TTN: variants seen among roughly 807,000 people sequenced by gnomAD.
TTN encodes titin, also known as connectin.
Under a neutral mutation model 3,223.0 loss-of-function variants are expected in TTN, and 1,525 were observed. The ratio of observed to expected loss-of-function variants is 0.47; its 90% CI spans 0.45 to 0.49. TTN has a LOEUF of 0.49. Among genes scored for constraint, TTN ranks in the 20% least tolerant of loss-of-function variants. The probability of loss-of-function intolerance (pLI) is 0.00; values close to 1 mark genes in which losing one functional copy is unlikely to be tolerated. For missense variants in TTN, 40,786 were observed against 43,424.0 expected (o/e 0.94, Z 5.40); for synonymous variants, 14,094 against 15,161.0 (o/e 0.93, Z 5.17).
intron 121 of TTN, among the ~76,000 whole-genome samples, chr2:178,691,748 TCTAAAAGAGGGAAGA>T (rs2072505425): frequency 6.6e-6 from 1 of 152,180 alleles, no homozygotes; most frequent in Admixed American, 6.5e-5. Context: ...TTCCTCTTTC[TCTAAAAGAGGGAAGA>T]TATTAAAAAT....
At chr2:178,688,926 G>A (rs2154277825) in intron 125 of TTN, 127 bp downstream of exon 125, 1 of 1,200,470 alleles carries the variant, frequency 8.3e-7, no homozygotes, top group Non-Finnish European at 1.2e-6. Context: ...AAACACAAAA[G>A]TTTCACTGCA....
rs556426185 is a variant in TTN, at chr2:178,559,238, T to A, written c.86821+73A>T. 42 of 1,356,088 alleles carry A rather than the reference T, an allele frequency of 3.1e-5. 2 individuals carry two copies. The African/African-American group carries it at 4.5e-4, about 15-fold the overall frequency. The allele number at this position is 1,356,088 out of a possible 1,614,324, so 84.0% of individuals were successfully genotyped here. On this transcript the variant is annotated intron_variant, in intron 326 of 362. Coordinates refer to ENST00000589042, the MANE Select transcript of TTN (RefSeq NM_001267550.2). The stretch of plus-strand genomic sequence containing the variant: ...AAAGCATTTAAGATGAAATAACGAC[T>A]AATTAGAATGACTCACACTATTCTA...
rs771227294 is a variant in TTN, at chr2:178,574,035, C to T, written c.72097G>A (p.Val24033Ile). 1 of 1,613,466 alleles carries T rather than the reference C, an allele frequency of 6.2e-7. No individual in the cohort carries two copies. Among genetic ancestry groups the T allele is most frequent in the South Asian group, 1.1e-5 (1 of 91,070 alleles). ...DVEAPKIKVD[V>I]KFKDTVILKA... The stretch of plus-strand genomic sequence containing the variant: ...AATATAACCGTGTCCTTAAATTTAA[C>T]ATCCACCTTTATCTTTGGTGCCTCA... Residue 24033 changes from valine to isoleucine, a missense_variant, in exon 326 of 363, where the codon GTT becomes ATT. Physicochemically the swap from Val to Ile is conservative, Grantham distance 29 (BLOSUM62 3). Transcript: ENST00000589042.
chr2:178,774,833 G>T, intron 29 of TTN, 88 bp downstream of exon 29: 1 of 1,487,468 alleles, frequency 6.7e-7, no homozygotes, highest in Non-Finnish European at 9.2e-7. Context: ...ATTGTTTCAT[G>T]AAAGAAAAAT....
In TTN at chr2:178,555,038, C is replaced by T. The variant is rs869025546; in HGVS notation, c.88421G>A (p.Trp29474Ter). Reference protein sequence around the residue: ...ISGKPAPTIEWYKDDKELQTN... With the variant: ...ISGKPAPTIE ...TTGTAATTCTTTATCATCTTTATACCACTCAATAGTAGGCGCAGGTTTGCC... is the reference window on the plus strand; with the variant it reads ...TTGTAATTCTTTATCATCTTTATACTACTCAATAGTAGGCGCAGGTTTGCC... Residue 29474 changes from tryptophan to a stop codon, truncating the protein, a stop_gained, in exon 331 of 363, where the codon TGG (tryptophan) becomes TAG (stop). Coordinates refer to ENST00000589042, the MANE Select transcript of TTN (RefSeq NM_001267550.2). LOFTEE classifies it high-confidence loss of function. 6.2e-6 allele frequency: 10 copies of T among 1,613,680 alleles called. No individual in the cohort carries two copies.
rs748940985 is a variant in TTN at position 178,568,480 on chromosome 2, T to A, written c.77652A>T (p.Glu25884Asp). The A allele has an allele frequency of 3.1e-6, 5 of 1,613,292 alleles. No individual in the cohort carries two copies. The Admixed American group carries it at 8.3e-5, about 27-fold the overall frequency. Reference sequence around the variant, plus strand: ...GATCAGGTTTATCTAGAGTTACAATTTCGATGGATGCTGTCTTCTGACCAA... The same window carrying A: ...GATCAGGTTTATCTAGAGTTACAATATCGATGGATGCTGTCTTCTGACCAA... ...NVVGQKTASIEIVTLDKPDPP... is the reference protein window; with the variant it reads ...NVVGQKTASIDIVTLDKPDPP... Residue 25884 changes from glutamate (E) to aspartate (D), a missense_variant, in exon 326 of 363, where the codon GAA becomes GAT. Physicochemically the swap from Glu to Asp is conservative, Grantham distance 45 (BLOSUM62 2). Coordinates refer to ENST00000589042, the MANE Select transcript of TTN (RefSeq NM_001267550.2).
intron 33 of TTN, chr2:178,772,871 T>C: frequency 1.8e-6 from 1 of 553,104 alleles, no homozygotes; most frequent in South Asian, 2.2e-5. Flanking sequence ...GAAGAGATCA[T>C]ATACAAATGG....
At chr2:178,694,053 A>C in intron 117 of TTN, 45 bp from the exon 118 acceptor site, 1 of 1,441,368 alleles carries the variant, frequency 6.9e-7, no homozygotes, top group South Asian at 1.2e-5. Context: ...TTTTTAGTAC[A>C]AGACATCAGA....
rs879153744 is a variant in TTN, at chr2:178,782,902, T to G, written c.3004A>C (p.Ile1002Leu). 13 of 1,613,972 alleles carry G rather than the reference T, an allele frequency of 8.1e-6. No homozygotes were observed. In the African/African-American group the frequency reaches 1.2e-4, roughly 15 times the overall value. ...CTGTCTTCCGCAAATGCTTCGCGAA[T>G]CATAAGACGAGCAATTCCACTCTGG... ...TFQSGIARLMIREAFAEDSGR... is the reference protein window; with the variant it reads ...TFQSGIARLMLREAFAEDSGR... Residue 1002 changes from isoleucine to leucine, a missense_variant, in exon 18 of 363, where the codon ATT (isoleucine) becomes CTT (leucine). Coordinates refer to ENST00000589042, the MANE Select transcript of TTN (RefSeq NM_001267550.2).
rs1698363944 is a variant in TTN, at chr2:178,549,206, C to T, written c.92420G>A (p.Ser30807Asn). 1 of 1,613,738 alleles carries T rather than the reference C, an allele frequency of 6.2e-7. No individual in the cohort carries two copies. Among genetic ancestry groups the T allele is most frequent in the South Asian group, 1.1e-5 (1 of 91,096 alleles). Residue 30807 changes from serine (S) to asparagine (N), a missense_variant, in exon 339 of 363, where the codon AGT becomes AAT. Physicochemically the swap from Ser to Asn is conservative, Grantham distance 46. Coordinates refer to ENST00000589042, the MANE Select transcript of TTN (RefSeq NM_001267550.2). The stretch of plus-strand genomic sequence containing the variant: ...ACATTTAATGAGTCTTGAGATGCCA[C>T]TTGCAGGTCCAACTCCTGCAGCATT... ...AENAAGVGPA[S>N]GISRLIKCRE...
chr2:178,623,808 G>T (rs1406295922), intron 242 of TTN, among the ~76,000 whole-genome samples: 1 of 151,924 alleles, frequency 6.6e-6, no homozygotes, highest in Admixed American at 6.6e-5. Context: ...AAATAAGCTA[G>T]TATGTGGCAT....
chr2:178,778,322 G>A (rs920682943), intron 24 of TTN: 14 of 299,924 alleles, frequency 4.7e-5, no homozygotes, highest in African/African-American at 2.9e-4. Context: ...ATAAATGTTG[G>A]TTGGATAAGT....
At chr2:178,665,283 T>G in intron 165 of TTN, 94 bp downstream of exon 165, 1 of 1,203,406 alleles carries the variant, frequency 8.3e-7, no homozygotes, top group Non-Finnish European at 1.2e-6. Context: ...TATGTTTATA[T>G]TTAGAATTTA....
Position 178,593,855 on chromosome 2 carries a change from G to A in TTN, c.58445C>T (p.Pro19482Leu), listed in dbSNP as rs746380279. 1.9e-6 allele frequency: 3 copies of A among 1,608,812 alleles called. No individual in the cohort carries two copies. The highest frequency in any genetic ancestry group is 2.5e-6 in the Non-Finnish European group (3 of 1,178,680). ...CQVNVVDRPG[P>L]PVGPVSFDEV... ...ATCAAAACTAACTGGTCCTACTGGT[G>A]GTCCAGGACGGTCTGCAGAAAAAAA... Residue 19482 changes from proline to leucine, a missense_variant, in exon 298 of 363, where the codon CCA (proline) becomes CTA (leucine). Pro to Leu is a moderately conservative substitution (Grantham distance 98, BLOSUM62 -3). Transcript: ENST00000589042.
intron 326 of TTN, among the ~76,000 whole-genome samples, 186 bp downstream of exon 326, chr2:178,559,125 G>GT (rs1394918001): frequency 1.3e-5 from 2 of 151,664 alleles, no homozygotes; most frequent in African/African-American, 4.8e-5. Flanking sequence ...GTAAATTTCT[G>GT]TTTTTTTAAT....
At chr2:178,680,661 G>C (rs2069163523) in intron 138 of TTN, among the ~76,000 whole-genome samples, 1 of 151,886 alleles carries the variant, frequency 6.6e-6, no homozygotes, top group African/African-American at 2.4e-5. Flanking sequence ...TACTTAGTAT[G>C]AATCAGGGGG....
chr2:178,534,292 G>A lies in TTN; in HGVS notation c.102323C>T (p.Ala34108Val). The stretch of plus-strand genomic sequence containing the variant: ...TGCACCACCACAGGAGATCCGGGCT[G>A]CTGACACAACCATGTTGAGGTCTTT... ...IKKDLNMVVSAARISCGGAIR... is the reference protein window; with the variant it reads ...IKKDLNMVVSVARISCGGAIR... Residue 34108 changes from alanine to valine, a missense_variant, in exon 358 of 363, where the codon GCA becomes GTA. By Grantham distance (64) the Ala-to-Val change is moderately conservative (BLOSUM62 0). Coordinates refer to ENST00000589042, the MANE Select transcript of TTN (RefSeq NM_001267550.2). 6.2e-7 allele frequency: 1 copy of A among 1,613,794 alleles called. No homozygotes were observed. The highest frequency in any genetic ancestry group is 8.5e-7 in the Non-Finnish European group (1 of 1,179,834).
At chr2:178,716,705 CTT>C (rs1365675045) in intron 88 of TTN, among the ~76,000 whole-genome samples, 1 of 152,140 alleles carries the variant, frequency 6.6e-6, no homozygotes, top group Non-Finnish European at 1.5e-5. Flanking sequence ...TAGTTTGGCT[CTT>C]TGCTATGCCT....
In TTN at chr2:178,612,057, C is replaced by G. The variant is rs1363740118; in HGVS notation, c.50354G>C (p.Arg16785Thr). ...CTTTATGAATTAATTCAAATTCTAC[C>G]TCTGTATTGGTCTTCCACCATCATT... ...PKNDGGRPIQRYVIEKKERLG... is the reference protein window; with the variant it reads ...PKNDGGRPIQTYVIEKKERLG... The change falls in exon 267 of 363, where the codon AGA becomes ACA. Residue 16785 changes from arginine (R) to threonine (T), a missense_variant and splice_region_variant. By Grantham distance (71) the Arg-to-Thr change is moderately conservative (BLOSUM62 -1). Transcript: ENST00000589042. 1 of 1,607,786 alleles carries G rather than the reference C, an allele frequency of 6.2e-7. No individual in the cohort carries two copies. Among genetic ancestry groups the G allele is most frequent in the Non-Finnish European group, 8.5e-7 (1 of 1,177,620 alleles).
Sources: gnomAD v4.1 joint callset for allele counts (sites outside exome capture counted in the v4.1 genomes callset) on GRCh38, gnomAD v4.1.1 for gene constraint, MANE v1.5 for transcripts, NCBI Gene and HGNC (gene_info 2026-07-23, HGNC 2026-07-21) for gene names.